The following KCNB2 variants were observed in gnomAD, a reference collection of about 807,000 sequenced individuals.
The protein encoded by KCNB2 is potassium voltage-gated channel subfamily B member 2, also known as delayed rectifier potassium channel protein.
In KCNB2, 15 loss-of-function variants were observed where a neutral mutation model predicts 61.5. The observed-to-expected ratio is 0.24, with a 90% CI of 0.16 to 0.38. The LOEUF is 0.38. Among genes scored for constraint, KCNB2 ranks in the 10% least tolerant of loss-of-function variants. The pLI is 1.00. For missense variants in KCNB2, 828 were observed against 1,125.2 expected (o/e 0.74, Z 3.78); for synonymous variants, 457 against 446.0 (o/e 1.02, Z -0.31).
chr8:72,822,439 C>G (rs1809526956), intron 2 of KCNB2, among the ~76,000 whole-genome samples: 1 of 152,104 alleles, frequency 6.6e-6, no homozygotes, highest in Non-Finnish European at 1.5e-5. Context: ...TCATCATGTG[C>G]CACAGGCTCT....
intron 2 of KCNB2, among the ~76,000 whole-genome samples, chr8:72,811,636 C>T (rs1452224452): frequency 6.6e-6 from 1 of 152,098 alleles, no homozygotes; most frequent in Non-Finnish European, 1.5e-5. Flanking sequence ...TCCAGGTAAA[C>T]ATTTCCTTTT....
chr8:72,809,100 T>A (rs893569197), intron 2 of KCNB2, among the ~76,000 whole-genome samples: 3 of 152,088 alleles, frequency 2.0e-5, no homozygotes, highest in African/African-American at 7.2e-5. Context: ...ATGACATGGT[T>A]TTGTGTGCAG....
chr8:72,593,040 A>G (rs185174035), intron 2 of KCNB2, among the ~76,000 whole-genome samples: 166 of 152,340 alleles, frequency 1.1e-3, no homozygotes, highest in African/African-American at 3.7e-3. Context: ...GGCTTCTTTT[A>G]TAAAGTTGTC....
At chr8:72,836,569 T>C (rs534189618) in intron 2 of KCNB2, among the ~76,000 whole-genome samples, 1 of 152,314 alleles carries the variant, frequency 6.6e-6, no homozygotes, top group Admixed American at 6.5e-5. Context: ...GGTTGCTCCA[T>C]ATTACTTTTT....
At chr8:72,816,013 G>T (rs1585909296) in intron 2 of KCNB2, among the ~76,000 whole-genome samples, 2 of 152,222 alleles carry the variant, frequency 1.3e-5, no homozygotes, top group African/African-American at 4.8e-5. Context: ...TAAGGTTTTT[G>T]TAATTAAGTG....
Position 72,707,252 on chromosome 8 carries a change from C to A in KCNB2, c.579+138939C>A, listed in dbSNP as rs141789089. Among the ~76,000 whole-genome samples the A allele has an allele frequency of 1.9e-3, 296 of 152,250 alleles. 3 individuals are homozygous for A. Among genetic ancestry groups the A allele is most frequent in the African/African-American group, 6.6e-3 (276 of 41,552 alleles). ...TCACAAAAATAATAACCCTCACAGA[C>A]AAAAAGTGGCTCTGCTTAAAATCTT... On this transcript the variant is annotated intron_variant, in intron 2 of 2. Transcript: ENST00000523207.
intron 2 of KCNB2, among the ~76,000 whole-genome samples, chr8:72,826,459 G>C (rs184469254): frequency 6.6e-6 from 1 of 152,164 alleles, no homozygotes; most frequent in African/African-American, 2.4e-5. Context: ...AGAAGGCTGC[G>C]GGGGATAAGA....
chr8:72,746,880 G>T (rs1808081055), intron 2 of KCNB2, among the ~76,000 whole-genome samples: 2 of 152,106 alleles, frequency 1.3e-5, no homozygotes, highest in Non-Finnish European at 1.5e-5. Flanking sequence ...AAATTTTATT[G>T]TCTTGGCGCC....
chr8:72,571,171 C>G (rs988088668), intron 2 of KCNB2, among the ~76,000 whole-genome samples: 9 of 152,088 alleles, frequency 5.9e-5, no homozygotes, highest in African/African-American at 2.2e-4. Context: ...TTCTTTGATA[C>G]GAAATAAAAT....
intron 1 of KCNB2, among the ~76,000 whole-genome samples, chr8:72,545,098 C>T (rs146076383): frequency 1.3e-5 from 2 of 152,230 alleles, no homozygotes; most frequent in East Asian, 3.9e-4. Flanking sequence ...ATAGGAAAAC[C>T]TCAACTCCAG....
At chr8:72,791,795 A>G (rs1808946761) in intron 2 of KCNB2, among the ~76,000 whole-genome samples, 1 of 152,162 alleles carries the variant, frequency 6.6e-6, no homozygotes, top group South Asian at 2.1e-4. Context: ...AGAGGCCCCA[A>G]AACTGATCCA....
chr8:72,538,656 A>G (rs899753992), intron 1 of KCNB2, among the ~76,000 whole-genome samples: 4 of 152,210 alleles, frequency 2.6e-5, no homozygotes, highest in Admixed American at 6.5e-5. Context: ...AAAATTTAGT[A>G]TGCACATACA....
rs867072683 is a variant in KCNB2 at position 72,849,647 on chromosome 8, A to G, written c.580-86288A>G. On this transcript the variant is annotated intron_variant, in intron 2 of 2. Transcript: ENST00000523207. ...AAAATCTTCCCTCCTTTGAAAATTT[A>G]TAGACTTTTAAAGTGAGAAAGTTAA... Among the ~76,000 whole-genome samples, 5 of 152,236 alleles carry G rather than the reference A, an allele frequency of 3.3e-5. No homozygotes were observed. In the East Asian group the frequency reaches 7.7e-4, roughly 23 times the overall value.
At chr8:72,612,830 A>G (rs955489184) in intron 2 of KCNB2, among the ~76,000 whole-genome samples, 3 of 152,208 alleles carry the variant, frequency 2.0e-5, no homozygotes, top group Non-Finnish European at 4.4e-5. Flanking sequence ...TTTTTTTAAT[A>G]TAAAGTACAG....
chr8:72,783,119 A>G (rs1446275887), intron 2 of KCNB2, among the ~76,000 whole-genome samples: 2 of 152,196 alleles, frequency 1.3e-5, no homozygotes, highest in Non-Finnish European at 2.9e-5. Flanking sequence ...AGAACTTTAC[A>G]GATACCTTAT....
chr8:72,687,726 G>A (rs1187363094), intron 2 of KCNB2, among the ~76,000 whole-genome samples: 2 of 152,284 alleles, frequency 1.3e-5, no homozygotes, highest in South Asian at 2.1e-4. Flanking sequence ...TGGTTCTACA[G>A]TGTCATATTC....
chr8:72,742,288 C>A (rs1015891435), intron 2 of KCNB2, among the ~76,000 whole-genome samples: 3 of 152,160 alleles, frequency 2.0e-5, no homozygotes, highest in African/African-American at 7.2e-5. Context: ...GAAGTACATT[C>A]TTTAGTAATT....
rs965796501 is a variant in KCNB2 at position 72,674,970 on chromosome 8, T to A, written c.579+106657T>A. 5.3e-5 allele frequency among the ~76,000 whole-genome samples: 8 copies of A among 152,326 alleles called. No individual in the cohort carries two copies. In the East Asian group the frequency reaches 1.3e-3, roughly 26 times the overall value. ...TTATGTAGGTATGAGAAATAAAACA[T>A]GTTCCTATAACAACCCAAAAGTAAA... On this transcript the variant is annotated intron_variant, in intron 2 of 2. Coordinates refer to ENST00000523207, the MANE Select transcript of KCNB2 (RefSeq NM_004770.3).
intron 2 of KCNB2, among the ~76,000 whole-genome samples, chr8:72,689,131 TAGAG>T (rs552001212): frequency 5.9e-5 from 9 of 152,058 alleles, no homozygotes; most frequent in African/African-American, 1.4e-4. Context: ...TAAATGGAGA[TAGAG>T]AGAGAGAGAT....
Sources: allele counts gnomAD v4.1 joint callset (sites outside exome capture counted in the v4.1 genomes callset), GRCh38; gene constraint gnomAD v4.1.1; transcripts MANE v1.5; gene names NCBI Gene and HGNC (gene_info 2026-07-23, HGNC 2026-07-21).